The following TNS1 variants were observed in gnomAD, a reference collection of about 807,000 sequenced individuals.
The protein encoded by TNS1 is tensin-1.
A neutral mutation model predicts 168.6 loss-of-function variants in TNS1; 62 were observed. The ratio of observed to expected loss-of-function variants is 0.37; its 90% confidence interval spans 0.30 to 0.45. The LOEUF is 0.45. TNS1 is among the 20% of genes least tolerant of loss of function. TNS1 has a pLI of 1.00. For synonymous variants in TNS1, 934 were observed against 933.2 expected (o/e 1.00, Z -0.02); for missense variants, 2,240 against 2,339.4 (o/e 0.96, Z 0.88).
At chr2:217,811,657 T>C (rs1447025274) in intron 28 of TNS1, among the ~76,000 whole-genome samples, 1 of 152,184 alleles carries the variant, frequency 6.6e-6, no homozygotes, top group Non-Finnish European at 1.5e-5. Flanking sequence ...CCTGTGTTGC[T>C]GAGGGCTGGG....
chr2:217,881,228 C>T, intron 17 of TNS1: 2 of 565,520 alleles, frequency 3.5e-6, no homozygotes, highest in East Asian at 2.9e-5. Context: ...AAGGCTCATG[C>T]CGGGTCATAG....
At chr2:217,867,328 G>C (rs1949365046) in intron 18 of TNS1, among the ~76,000 whole-genome samples, 1 of 152,156 alleles carries the variant, frequency 6.6e-6, no homozygotes, top group Non-Finnish European at 1.5e-5. Context: ...TCCACTTCCA[G>C]AAATTTGTCC....
At chr2:217,956,136 A>G (rs1044256163) in intron 3 of TNS1, among the ~76,000 whole-genome samples, 2 of 152,132 alleles carry the variant, frequency 1.3e-5, no homozygotes, top group Middle Eastern at 3.4e-3. Context: ...GGGTCTTTGA[A>G]TTTTGTTTTT....
chr2:217,885,693 A>C, intron 15 of TNS1, 51 bp downstream of exon 15: 3 of 1,569,162 alleles, frequency 1.9e-6, no homozygotes, highest in Non-Finnish European at 2.6e-6. Flanking sequence ...TAAGAAAAGA[A>C]GGGAGAGAAA....
chr2:217,973,473 G>C lies in TNS1; in HGVS notation c.186+5292C>G, dbSNP rs185426833. Reference sequence around the variant, plus strand: ...GGGACAGATAAGGACCCCAATGAGGGGTAAGGGTGGGAATTAAGGAGACTG... The same window carrying C: ...GGGACAGATAAGGACCCCAATGAGGCGTAAGGGTGGGAATTAAGGAGACTG... On this transcript the variant is annotated intron_variant, in intron 3 of 32. Transcript: ENST00000682258. Among the ~76,000 whole-genome samples, 427 of 152,222 alleles carry C rather than the reference G, an allele frequency of 2.8e-3. 4 individuals carry two copies. Among genetic ancestry groups the C allele is most frequent in the African/African-American group, 8.9e-3 (368 of 41,536 alleles).
At position 217,877,124 on chromosome 2, in the gene TNS1, G is replaced by GC. The variant is rs1176530261; in HGVS notation, c.1429+3773dup. 2.0e-5 allele frequency among the ~76,000 whole-genome samples: 3 copies of GC among 151,850 alleles called. No homozygotes were observed. In the East Asian group the frequency reaches 5.8e-4, roughly 29 times the overall value. On this transcript the variant is annotated intron_variant, in intron 18 of 32. Coordinates refer to ENST00000682258, the MANE Select transcript of TNS1 (RefSeq NM_001387777.1). Reference sequence around the variant, plus strand: ...CCCTTTGATTCTTCACCCTCATCACGCCCCCCTCCTCCTGGCCCAGGAGCA... The same window carrying GC: ...CCCTTTGATTCTTCACCCTCATCACGCCCCCCCTCCTCCTGGCCCAGGAGCA...
At position 217,813,621 on chromosome 2, in the gene TNS1, C is replaced by G. The variant is rs1941365952; in HGVS notation, c.4861+64G>C. On this transcript the variant is annotated intron_variant, in intron 26 of 32. Transcript: ENST00000682258. The surrounding 1 kb of genome is among the most constrained non-coding windows in gnomAD (Gnocchi z 4.0). ...CCCAGCACCCTGGGTCCCTCCAGCACCTCCAGGTTTAGCGACTGTAAAGCT... is the reference window on the plus strand; with the variant it reads ...CCCAGCACCCTGGGTCCCTCCAGCAGCTCCAGGTTTAGCGACTGTAAAGCT... The G allele has an allele frequency of 6.5e-7, 1 of 1,543,012 alleles. No individual in the cohort carries two copies. Among genetic ancestry groups the G allele is most frequent in the South Asian group, 1.3e-5 (1 of 78,358 alleles).
Position 217,831,374 on chromosome 2 carries a change from T to G in TNS1, c.3373+81A>C. 5 of 1,311,212 alleles carry G rather than the reference T, an allele frequency of 3.8e-6. No individual in the cohort carries two copies. The South Asian group carries it at 5.9e-5, about 15-fold the overall frequency. The allele number at this position is 1,311,212 out of a possible 1,614,324, so 81.2% of individuals were successfully genotyped here. ...ACAAAGCTGGCTGCTGACCAGATTC[T>G]GAGACCCGGGTTTCTGTCCAGAACC... is the stretch of plus-strand genomic sequence containing the variant. On this transcript the variant is annotated intron_variant, in intron 22 of 32. Coordinates refer to ENST00000682258, the MANE Select transcript of TNS1 (RefSeq NM_001387777.1).
intron 24 of TNS1, 50 bp from the exon 25 acceptor site, chr2:217,815,048 C>G (rs769671122): frequency 6.9e-7 from 1 of 1,458,726 alleles, no homozygotes; most frequent in Non-Finnish European, 9.5e-7. Context: ...TGTGTTCACC[C>G]AAAACATACA....
chr2:217,898,294 G>A (rs972459398), intron 7 of TNS1, among the ~76,000 whole-genome samples: 3 of 152,198 alleles, frequency 2.0e-5, no homozygotes, highest in Non-Finnish European at 4.4e-5. Context: ...TCAGAGCCAG[G>A]GCCAGACTGG....
Position 217,819,195 on chromosome 2 carries a change from T to A in TNS1, c.3573-436A>T, listed in dbSNP as rs534117339. Among the ~76,000 whole-genome samples, 4 of 152,266 alleles carry A rather than the reference T, an allele frequency of 2.6e-5. No individual in the cohort carries two copies. The East Asian group carries it at 7.8e-4, about 30-fold the overall frequency. On this transcript the variant is annotated intron_variant, in intron 23 of 32. Transcript: ENST00000682258. Reference sequence around the variant, plus strand: ...TGGGAGTAGCCCTGTCTTGACTCAGTTTCCTCAAGTGTGATATCATCATCC... The same window carrying A: ...TGGGAGTAGCCCTGTCTTGACTCAGATTCCTCAAGTGTGATATCATCATCC...
chr2:218,013,117 G>A (rs183955665), upstream of TNS1, among the ~76,000 whole-genome samples: 10 of 152,048 alleles, frequency 6.6e-5, no homozygotes, highest in Admixed American at 3.3e-4. Context: ...TTAGCGGTGC[G>A]TGGTGGCAGG....
Position 217,875,271 on chromosome 2 carries a change from G to A in TNS1, c.1429+5627C>T, listed in dbSNP as rs149635007. Among the ~76,000 whole-genome samples, 329 of 152,226 alleles carry A rather than the reference G, an allele frequency of 2.2e-3. 2 individuals carry two copies. Among genetic ancestry groups the A allele is most frequent in the African/African-American group, 7.3e-3 (304 of 41,540 alleles). ...TGGGTCAGGCCCACTGAGAAGGTGG[G>A]ATCATTTGTCACTGTGGCATAATTG... On this transcript the variant is annotated intron_variant, in intron 18 of 32. Transcript: ENST00000682258.
chr2:217,837,710 A>C (rs1364255243), intron 19 of TNS1, among the ~76,000 whole-genome samples: 1 of 152,230 alleles, frequency 6.6e-6, no homozygotes, highest in East Asian at 1.9e-4. Context: ...CTAGACTCTG[A>C]CCTCACTCTG....
chr2:217,886,177 G>A, intron 13 of TNS1, 73 bp from the exon 14 acceptor site: 1 of 1,500,482 alleles, frequency 6.7e-7, no homozygotes, highest in Non-Finnish European at 9.2e-7. Context: ...AGACAGTGAA[G>A]GGAGAAAGAG....
intron 1 of TNS1, among the ~76,000 whole-genome samples, chr2:218,022,817 G>T (rs1000107130): frequency 4.6e-5 from 7 of 151,404 alleles, no homozygotes; most frequent in Non-Finnish European, 1.5e-5. Context: ...TGGGGGATGG[G>T]ACTCCATCTG....
At chr2:217,892,633 C>A (rs1951852654) in intron 11 of TNS1, among the ~76,000 whole-genome samples, 1 of 152,154 alleles carries the variant, frequency 6.6e-6, no homozygotes, top group South Asian at 2.1e-4. Context: ...TTCCTGCTGG[C>A]CCAGGGAAAA....
intron 22 of TNS1, among the ~76,000 whole-genome samples, chr2:217,822,715 G>T (rs1943059307): frequency 6.6e-6 from 1 of 152,188 alleles, no homozygotes; most frequent in African/African-American, 2.4e-5. Context: ...GCTAGAAAAG[G>T]CCATTTTACA....
intron 3 of TNS1, among the ~76,000 whole-genome samples, chr2:217,970,590 T>G (rs1302964301): frequency 1.3e-5 from 2 of 152,198 alleles, no homozygotes; most frequent in South Asian, 2.1e-4. Flanking sequence ...ACAGCATAGA[T>G]GTACCTTGAA....
Sources: allele counts gnomAD v4.1 joint callset (sites outside exome capture counted in the v4.1 genomes callset), GRCh38; gene constraint gnomAD v4.1.1; non-coding constraint Gnocchi (gnomAD v3.1); transcripts MANE v1.5; gene names NCBI Gene and HGNC (gene_info 2026-07-23, HGNC 2026-07-21).